EML4: variants seen among roughly 807,000 people sequenced by gnomAD.
The protein encoded by EML4 is EMAP like 4, also known as echinoderm microtubule-associated protein-like 4.
A neutral mutation model predicts 129.0 loss-of-function variants in EML4; 72 were observed. The observed-to-expected ratio is 0.56, with a 90% CI of 0.46 to 0.68. The LOEUF (loss-of-function observed/expected upper bound fraction) is 0.68. Among genes scored for constraint, EML4 ranks in the 30% least tolerant of loss-of-function variants. EML4 has a pLI of 0.00. For missense variants in EML4, 1,363 were observed against 1,190.6 expected (o/e 1.14, Z -2.13); for synonymous variants, 532 against 405.0 (o/e 1.31, Z -3.77).
intron 19 of EML4, among the ~76,000 whole-genome samples, chr2:42,323,251 C>G (rs1173531622): frequency 6.6e-6 from 1 of 151,422 alleles, no homozygotes; most frequent in Non-Finnish European, 1.5e-5. Flanking sequence ...TCCCCAGACG[C>G]CAGAGCCAGG....
Position 42,183,333 on chromosome 2 carries a change from A to T in EML4, c.25+13697A>T, listed in dbSNP as rs965250743. ...GACAATAAAGAGTTTTAATTAAATT[A>T]TTCACTGTTAGGAGGTCAGTGGCTT... On this transcript the variant is annotated intron_variant, in intron 1 of 22. Transcript: ENST00000318522. Among the ~76,000 whole-genome samples the T allele has an allele frequency of 6.6e-5, 10 of 152,336 alleles. No homozygotes were observed. In the South Asian group the frequency reaches 2.1e-3, roughly 32 times the overall value.
chr2:42,308,361 A>T (rs1043458519), intron 17 of EML4, among the ~76,000 whole-genome samples: 3 of 152,108 alleles, frequency 2.0e-5, no homozygotes, highest in Non-Finnish European at 4.4e-5. Flanking sequence ...TTTTAAAATT[A>T]GCCAGGCGTG....
intron 6 of EML4, among the ~76,000 whole-genome samples, chr2:42,272,043 C>T (rs1321096841): frequency 7.1e-6 from 1 of 140,012 alleles, no homozygotes; most frequent in African/African-American, 2.7e-5. Flanking sequence ...GCGGAGTTTG[C>T]AGTGAGCTGA....
chr2:42,293,864 C>A (rs926405785), intron 11 of EML4, among the ~76,000 whole-genome samples: 3 of 152,224 alleles, frequency 2.0e-5, no homozygotes, highest in African/African-American at 7.2e-5. Flanking sequence ...CCGCCTCAGC[C>A]TCCCAAAATG....
In EML4 at chr2:42,316,062, T is replaced by C. The variant is rs1558606091; in HGVS notation, c.2056+12T>C. On this transcript the variant is annotated intron_variant, in intron 18 of 22. Coordinates refer to ENST00000318522, the MANE Select transcript of EML4 (RefSeq NM_019063.5). ...GCGCTACTCAATAGGTAGGCAAATTTACTCCCACCTCCCAAGCATGGCATT... is the reference window on the plus strand; with the variant it reads ...GCGCTACTCAATAGGTAGGCAAATTCACTCCCACCTCCCAAGCATGGCATT... 1 of 1,586,274 alleles carries C rather than the reference T, an allele frequency of 6.3e-7. No individual in the cohort carries two copies. The highest frequency in any genetic ancestry group is 1.3e-5 in the African/African-American group (1 of 74,556).
At chr2:42,243,263 G>C (rs1369074725) in intron 1 of EML4, among the ~76,000 whole-genome samples, 1 of 152,136 alleles carries the variant, frequency 6.6e-6, no homozygotes, top group African/African-American at 2.4e-5. Context: ...AGGAGAATAG[G>C]AAAGAATTTT....
intron 17 of EML4, among the ~76,000 whole-genome samples, chr2:42,312,690 A>C (rs1418990008): frequency 6.6e-6 from 1 of 151,810 alleles, no homozygotes; most frequent in Non-Finnish European, 1.5e-5. Flanking sequence ...AGTAGCTGGG[A>C]CTACAGGCGC....
intron 17 of EML4, among the ~76,000 whole-genome samples, chr2:42,311,254 G>C (rs1220322687): frequency 6.6e-6 from 1 of 152,200 alleles, no homozygotes; most frequent in Non-Finnish European, 1.5e-5. Context: ...TCTTAAAACA[G>C]CATTAGTTAG....
At chr2:42,243,442 G>A (rs1572614351) in intron 1 of EML4, among the ~76,000 whole-genome samples, 1 of 151,536 alleles carries the variant, frequency 6.6e-6, no homozygotes, top group South Asian at 2.1e-4. Context: ...TTGGACACAT[G>A]TGCCTTTAAG....
Position 42,330,198 on chromosome 2 carries a change from C to G in EML4, c.2937C>G (p.Pro979=), listed in dbSNP as rs752292027. 6.2e-7 allele frequency: 1 copy of G among 1,612,848 alleles called. No homozygotes were observed. The highest frequency in any genetic ancestry group is 1.7e-5 in the Admixed American group (1 of 59,770). ...TLLEDQQDPS[P]SS is the part of the protein sequence containing the mutation. The stretch of plus-strand genomic sequence containing the variant: ...TGGAGGACCAGCAAGACCCTTCGCC[C>G]TCGTCCTAACACCCTGGCTTCAGTG... Residue 979 remains proline, a synonymous_variant, in exon 23 of 23, where the codon CCC becomes CCG. Transcript: ENST00000318522.
At chr2:42,273,255 C>G (rs1164341132) in intron 6 of EML4, among the ~76,000 whole-genome samples, 1 of 152,068 alleles carries the variant, frequency 6.6e-6, no homozygotes, top group East Asian at 1.9e-4. Context: ...AAGTTTTAAG[C>G]AGTATAGTTA....
chr2:42,290,358 C>A (rs150525212), intron 11 of EML4, among the ~76,000 whole-genome samples: 1 of 151,960 alleles, frequency 6.6e-6, no homozygotes, highest in African/African-American at 2.4e-5. Context: ...ATTTAAAATT[C>A]AGTAAGGCGA....
intron 6 of EML4, 125 bp downstream of exon 6, chr2:42,264,856 TG>T: frequency 1.3e-6 from 2 of 1,493,944 alleles, no homozygotes; most frequent in Non-Finnish European, 1.8e-6. Flanking sequence ...AGTGCGTTAC[TG>T]TAGTCATTTA....
chr2:42,203,672 A>T (rs1386455940), intron 1 of EML4, among the ~76,000 whole-genome samples: 1 of 129,742 alleles, frequency 7.7e-6, no homozygotes, highest in Non-Finnish European at 1.7e-5. Context: ...CCCTCCCCCC[A>T]CATATTTTGG....
At chr2:42,279,780 TTTTA>T (rs1198569715) in intron 6 of EML4, among the ~76,000 whole-genome samples, 5 of 151,668 alleles carry the variant, frequency 3.3e-5, no homozygotes, top group South Asian at 4.2e-4. Flanking sequence ...GGCTGTCTTT[TTTTA>T]TTATTATTAT....
intron 1 of EML4, among the ~76,000 whole-genome samples, chr2:42,172,189 G>GA: frequency 6.6e-6 from 1 of 152,056 alleles, no homozygotes; most frequent in East Asian, 1.9e-4. Flanking sequence ...GAAAAATGGT[G>GA]AAAAAACTAC....
intron 11 of EML4, among the ~76,000 whole-genome samples, chr2:42,292,595 G>A (rs2103665287): frequency 6.6e-6 from 1 of 152,314 alleles, no homozygotes; most frequent in East Asian, 1.9e-4. Context: ...TCAGGATGAT[G>A]GTTAAATAGA....
At chr2:42,198,493 C>G (rs191319844) in intron 1 of EML4, among the ~76,000 whole-genome samples, 2 of 152,008 alleles carry the variant, frequency 1.3e-5, no homozygotes, top group Non-Finnish European at 2.9e-5. Flanking sequence ...TTGCTTGAGA[C>G]CAGGAGTTCA....
intron 1 of EML4, among the ~76,000 whole-genome samples, chr2:42,209,522 C>A (rs893861396): frequency 5.9e-5 from 9 of 152,228 alleles, no homozygotes; most frequent in African/African-American, 2.2e-4. Context: ...AAAGGATTTC[C>A]TCATAAATGT....
Sources: gnomAD v4.1 joint callset for allele counts (sites outside exome capture counted in the v4.1 genomes callset) on GRCh38, gnomAD v4.1.1 for gene constraint, MANE v1.5 for transcripts, NCBI Gene and HGNC (gene_info 2026-07-23, HGNC 2026-07-21) for gene names.